Variants in CAPZA2 observed in about 807,000 individuals in gnomAD.
CAPZA2 encodes F-actin-capping protein subunit alpha-2.
A neutral mutation model predicts 44.0 loss-of-function variants in CAPZA2; 13 were observed. The ratio of observed to expected loss-of-function variants is 0.30; its 90% confidence interval spans 0.19 to 0.47. The LOEUF (loss-of-function observed/expected upper bound fraction) is 0.47. Among genes scored for constraint, CAPZA2 ranks in the 20% least tolerant of loss-of-function variants. The probability of loss-of-function intolerance (pLI) is 1.00; values close to 1 mark genes in which losing one functional copy is unlikely to be tolerated. For synonymous variants in CAPZA2, 94 were observed against 108.2 expected, an observed-to-expected ratio of 0.87 and a Z score of 0.81; for missense variants, 244 against 338.6, an observed-to-expected ratio of 0.72 and a Z score of 2.19.
chr7:116,915,302 C>CA (rs1342258058), intron 8 of CAPZA2, among the ~76,000 whole-genome samples: 3,309 of 131,896 alleles, frequency 0.025, 99 homozygotes, highest in African/African-American at 0.078. Flanking sequence ...GACCCTGTCT[C>CA]AAAAAAAAAA....
At chr7:116,893,143 T>C in intron 3 of CAPZA2, 98 bp downstream of exon 3, 2 of 723,520 alleles carry the variant, frequency 2.8e-6, no homozygotes, top group East Asian at 2.9e-5. Flanking sequence ...TTTTTTGTTT[T>C]GTTTTGAGAT....
chr7:116,893,113 T>C, intron 3 of CAPZA2, 68 bp downstream of exon 3: 1 of 1,031,122 alleles, frequency 9.7e-7, no homozygotes, highest in Non-Finnish European at 1.4e-6. Context: ...TTTAAAAGTG[T>C]GTGGGGGTTT....
chr7:116,863,912 G>A (rs766400538), intron 1 of CAPZA2, among the ~76,000 whole-genome samples: 10 of 152,148 alleles, frequency 6.6e-5, no homozygotes, highest in Non-Finnish European at 1.0e-4. Context: ...CATTCCCAAT[G>A]TGAATGGTCA....
intron 8 of CAPZA2, among the ~76,000 whole-genome samples, chr7:116,912,686 T>C (rs971466894): frequency 1.3e-5 from 2 of 152,254 alleles, no homozygotes; most frequent in Non-Finnish European, 2.9e-5. Flanking sequence ...TGCCAAATAA[T>C]ACTCTGTTTT....
chr7:116,887,946 GATTAT>G (rs1796785266), intron 1 of CAPZA2, among the ~76,000 whole-genome samples, 176 bp from the exon 2 acceptor site: 1 of 152,178 alleles, frequency 6.6e-6, no homozygotes, highest in Non-Finnish European at 1.5e-5. Flanking sequence ...TGTATGTTGT[GATTAT>G]ATTAAATTAT....
At chr7:116,872,490 G>C (rs764195497) in intron 1 of CAPZA2, among the ~76,000 whole-genome samples, 6 of 152,046 alleles carry the variant, frequency 3.9e-5, no homozygotes, top group Non-Finnish European at 8.8e-5. Flanking sequence ...TAATTATAAA[G>C]GAAAAAAATT....
At chr7:116,886,293 T>C (rs1046422172) in intron 1 of CAPZA2, among the ~76,000 whole-genome samples, 2 of 152,228 alleles carry the variant, frequency 1.3e-5, no homozygotes, top group African/African-American at 4.8e-5. Flanking sequence ...TACAAAATGC[T>C]GCTTCTCAAG....
At chr7:116,903,894 C>G (rs1797027013) in intron 4 of CAPZA2, among the ~76,000 whole-genome samples, 1 of 152,152 alleles carries the variant, frequency 6.6e-6, no homozygotes, top group Admixed American at 6.5e-5. Flanking sequence ...GAAAACCCAC[C>G]AAACCCACTT....
intron 4 of CAPZA2, among the ~76,000 whole-genome samples, chr7:116,903,478 A>T (rs894286222): frequency 2.0e-5 from 3 of 152,216 alleles, no homozygotes; most frequent in African/African-American, 7.2e-5. Context: ...AGCATGATAT[A>T]TATCAGAGGG....
At chr7:116,904,438 G>A (rs1182524683) in intron 5 of CAPZA2, 55 bp downstream of exon 5, 1 of 1,050,068 alleles carries the variant, frequency 9.5e-7, no homozygotes, top group East Asian at 2.4e-5. Context: ...TGAGTCTTTA[G>A]CGTCTCTTAA....
At chr7:116,865,400 G>T (rs571482838) in intron 1 of CAPZA2, among the ~76,000 whole-genome samples, 2 of 151,708 alleles carry the variant, frequency 1.3e-5, no homozygotes, top group Admixed American at 6.6e-5. Flanking sequence ...TGCCCAGGCT[G>T]GTCTTGAACT....
chr7:116,915,902 C>T (rs1164234932), intron 8 of CAPZA2, 158 bp from the exon 9 acceptor site: 2 of 488,560 alleles, frequency 4.1e-6, no homozygotes, highest in Non-Finnish European at 3.4e-6. Context: ...ACCTATTTTC[C>T]CCTTAGACTT....
intron 9 of CAPZA2, 41 bp downstream of exon 9, chr7:116,916,163 G>C (rs766750652): frequency 1.4e-6 from 2 of 1,450,668 alleles, no homozygotes; most frequent in Admixed American, 2.7e-5. Context: ...ACTCACATAT[G>C]AATTAATGTC....
At chr7:116,863,615 G>A (rs1006704876) in intron 1 of CAPZA2, among the ~76,000 whole-genome samples, 3 of 152,148 alleles carry the variant, frequency 2.0e-5, no homozygotes, top group Non-Finnish European at 2.9e-5. Flanking sequence ...AGGGTGGTGG[G>A]GTAGGGGAGA....
chr7:116,893,191 T>A, intron 3 of CAPZA2, 146 bp downstream of exon 3: 1 of 478,140 alleles, frequency 2.1e-6, no homozygotes, highest in Non-Finnish European at 3.7e-6. Flanking sequence ...AGTTCAGTGG[T>A]GCGATCTCGG....
chr7:116,877,991 G>A (rs1463347012), intron 1 of CAPZA2, among the ~76,000 whole-genome samples: 1 of 152,210 alleles, frequency 6.6e-6, no homozygotes, highest in Non-Finnish European at 1.5e-5. Context: ...ACTTGAGCAA[G>A]AGACACTCGC....
intron 1 of CAPZA2, among the ~76,000 whole-genome samples, chr7:116,866,111 A>G (rs555334034): frequency 6.6e-6 from 1 of 152,114 alleles, no homozygotes; most frequent in Non-Finnish European, 1.5e-5. Context: ...CACTGGGTGA[A>G]TGGGAAATAA....
At position 116,888,140 on chromosome 7, in the gene CAPZA2, C is replaced by T. The variant is rs765678010; in HGVS notation, c.53C>T (p.Ala18Val). Residue 18 changes from alanine (A) to valine (V), a missense_variant, in exon 2 of 10, where the codon GCA becomes GTA. Transcript: ENST00000361183. ...TTTCTGTTTCAGGTGCGTATAGCAG[C>T]AAAATTCATCATTCATGCCCCTCCT... is the stretch of plus-strand genomic sequence containing the variant. ...LSDEEKVRIA[A>V]KFIIHAPPGE... 3 of 1,610,628 alleles carry T rather than the reference C, an allele frequency of 1.9e-6. No homozygotes were observed. In the East Asian group the frequency reaches 6.7e-5, roughly 36 times the overall value.
chr7:116,912,019 G>T (rs765378281), intron 7 of CAPZA2, 50 bp from the exon 8 acceptor site: 3 of 1,605,698 alleles, frequency 1.9e-6, no homozygotes, highest in South Asian at 1.1e-5. Context: ...ACGCAATAAG[G>T]TTCTTGATGA....
Sources: allele counts gnomAD v4.1 joint callset (sites outside exome capture counted in the v4.1 genomes callset), GRCh38; gene constraint gnomAD v4.1.1; transcripts MANE v1.5; gene names NCBI Gene and HGNC (gene_info 2026-07-23, HGNC 2026-07-21).